Variants in SLC36A1 observed in about 807,000 individuals in gnomAD.
SLC36A1 encodes the protein solute carrier family 36 member 1.
SLC36A1 carries 30 observed loss-of-function variants against 47.5 expected under a neutral mutation model. That is an observed-to-expected ratio of 0.63 (90% CI 0.47 to 0.86). The LOEUF (loss-of-function observed/expected upper bound fraction) is 0.86, where lower values mean the gene tolerates loss of function less well. SLC36A1 is among the 40% of genes least tolerant of loss of function. SLC36A1 has a pLI of 0.00. For synonymous variants in SLC36A1, 255 were observed against 249.7 expected, an observed-to-expected ratio of 1.02 and a Z score of -0.20; for missense variants, 517 against 606.0, an observed-to-expected ratio of 0.85 and a Z score of 1.54.
At chr5:151,511,760 T>A in the SLC36A1 span, 1 of 181,352 alleles carries the variant, frequency 5.5e-6, no homozygotes, top group East Asian at 1.4e-4. Flanking sequence ...AAAAACAACA[T>A]GTATTTTGCA....
At chr5:151,456,058 C>A (rs1385760859) in intron 1 of SLC36A1, among the ~76,000 whole-genome samples, 1 of 152,136 alleles carries the variant, frequency 6.6e-6, no homozygotes, top group Non-Finnish European at 1.5e-5. Context: ...CTCTCTGGAC[C>A]CGTAATTTAA....
intron 8 of SLC36A1, 143 bp from the exon 9 acceptor site, chr5:151,476,447 A>G: frequency 1.6e-6 from 1 of 632,732 alleles, no homozygotes; most frequent in Non-Finnish European, 2.6e-6. Flanking sequence ...CGTCTGATGA[A>G]ATAACTTTAT....
At chr5:151,494,119 A>G (rs932302683), downstream of SLC36A1, among the ~76,000 whole-genome samples, 7 of 152,100 alleles carry the variant, frequency 4.6e-5, no homozygotes, top group African/African-American at 1.4e-4. Context: ...CCATTGCATT[A>G]CTACTGGAGG....
chr5:151,445,200 G>A (rs1012981006), upstream of SLC36A1, among the ~76,000 whole-genome samples: 1 of 152,086 alleles, frequency 6.6e-6, no homozygotes, highest in African/African-American at 2.4e-5. Flanking sequence ...AAAGATGTTG[G>A]ACTTTGTCAA....
downstream of SLC36A1, chr5:151,492,384 T>A (rs1372677481): frequency 1.3e-5 from 2 of 149,426 alleles, no homozygotes; most frequent in Non-Finnish European, 3.0e-5. Flanking sequence ...TTTTGAGAGG[T>A]TGCTATCTGT....
the SLC36A1 span, chr5:151,347,466 C>T: frequency 6.2e-7 from 1 of 1,613,680 alleles, no homozygotes; most frequent in East Asian, 2.2e-5. Context: ...GACATGACTG[C>T]TTAAGAAACA....
the SLC36A1 span, among the ~76,000 whole-genome samples, chr5:151,537,366 GGAAA>G: frequency 3.0e-5 from 4 of 133,412 alleles, no homozygotes; most frequent in South Asian, 7.2e-4. Context: ...AAGGAAGGAA[GGAAA>G]GAAACAACGA....
chr5:151,522,227 GA>G, the SLC36A1 span: 40 of 537,826 alleles, frequency 7.4e-5, no homozygotes, highest in African/African-American at 1.3e-4. Context: ...GTTGCATTTA[GA>G]AAAAAAAAAC....
At chr5:151,398,403 A>G in the SLC36A1 span, among the ~76,000 whole-genome samples, 2 of 152,208 alleles carry the variant, frequency 1.3e-5, no homozygotes, top group African/African-American at 4.8e-5. Flanking sequence ...GGGCTGAAAT[A>G]TAATTTTGGA....
the SLC36A1 span, chr5:151,378,253 A>T: frequency 7.1e-5 from 16 of 224,238 alleles, no homozygotes; most frequent in East Asian, 1.7e-3. Context: ...TTCATTAAAC[A>T]CCATCCCAAC....
In SLC36A1 at chr5:151,449,754, C is replaced by T. The variant is rs530924716; in HGVS notation, c.-6+1941C>T. Among the ~76,000 whole-genome samples the T allele has an allele frequency of 1.6e-4, 25 of 152,302 alleles. No homozygotes were observed. The South Asian group carries it at 4.4e-3, about 27-fold the overall frequency. On this transcript the variant is annotated intron_variant, in intron 1 of 10. Coordinates refer to ENST00000243389, the MANE Select transcript of SLC36A1 (RefSeq NM_078483.4). ...TATTAGAACACTGAGCACGGAGCTC[C>T]CTGTCACTGGAGGTAATCGTCTCTG...
At chr5:151,523,551 A>T in the SLC36A1 span, among the ~76,000 whole-genome samples, 1 of 152,164 alleles carries the variant, frequency 6.6e-6, no homozygotes. Context: ...GGTGCCTCCC[A>T]GTGCATGGAA....
At chr5:151,416,962 TCTC>T in the SLC36A1 span, among the ~76,000 whole-genome samples, 1 of 152,192 alleles carries the variant, frequency 6.6e-6, no homozygotes, top group Non-Finnish European at 1.5e-5. Flanking sequence ...GCTTAGCACT[TCTC>T]CTGCCTACCA....
the SLC36A1 span, among the ~76,000 whole-genome samples, chr5:151,424,575 A>T: frequency 1.3e-5 from 2 of 152,252 alleles, no homozygotes; most frequent in African/African-American, 4.8e-5. Context: ...GAAAAAGAGC[A>T]GATATTAATC....
the SLC36A1 span, chr5:151,525,810 G>T: frequency 6.2e-7 from 1 of 1,614,104 alleles, no homozygotes; most frequent in South Asian, 1.1e-5. Context: ...TCCTGCTTAG[G>T]CCCTCAGCAG....
upstream of SLC36A1, among the ~76,000 whole-genome samples, chr5:151,432,423 T>G (rs1759411367): frequency 6.6e-6 from 1 of 152,128 alleles, no homozygotes; most frequent in African/African-American, 2.4e-5. Context: ...TCACTGCTGT[T>G]TTTGCAGGCC....
At chr5:151,352,769 A>G in the SLC36A1 span, among the ~76,000 whole-genome samples, 1 of 152,122 alleles carries the variant, frequency 6.6e-6, no homozygotes, top group East Asian at 1.9e-4. Context: ...TGGGCTTCTT[A>G]TCTCTTGTCT....
intron 8 of SLC36A1, 106 bp downstream of exon 8, chr5:151,473,877 AGGC>A: frequency 1.1e-6 from 1 of 927,502 alleles, no homozygotes; most frequent in Non-Finnish European, 1.7e-6. Flanking sequence ...GTATCTTCTG[AGGC>A]CAGGCATGGT....
chr5:151,456,201 G>T (rs1037562503), intron 1 of SLC36A1, among the ~76,000 whole-genome samples: 26 of 152,142 alleles, frequency 1.7e-4, no homozygotes, highest in Non-Finnish European at 3.4e-4. Context: ...TAGAGGCAGG[G>T]TCTCACTATG....
Sources: allele counts gnomAD v4.1 joint callset (sites outside exome capture counted in the v4.1 genomes callset), GRCh38; gene constraint gnomAD v4.1.1; transcripts MANE v1.5; gene names NCBI Gene and HGNC (gene_info 2026-07-23, HGNC 2026-07-21).